The following ADAMTSL1 variants were observed in gnomAD, a reference collection of about 807,000 sequenced individuals.
ADAMTSL1 encodes ADAMTS-like protein 1.
ADAMTSL1 carries 126 observed loss-of-function variants against 201.8 expected under a neutral mutation model. That is an observed-to-expected ratio of 0.62 (90% CI 0.54 to 0.72). ADAMTSL1 has a LOEUF of 0.72. ADAMTSL1 is among the 30% of genes least tolerant of loss of function. The probability of loss-of-function intolerance (pLI) is 0.00; values close to 1 mark genes in which losing one functional copy is unlikely to be tolerated. For missense variants in ADAMTSL1, 2,679 were observed against 2,277.8 expected, an observed-to-expected ratio of 1.18 and a Z score of -3.59; for synonymous variants, 1,121 against 903.4, an observed-to-expected ratio of 1.24 and a Z score of -4.32.
intron 26 of ADAMTSL1, chr9:18,905,550 C>T (rs1316233341): frequency 1.9e-6 from 1 of 534,810 alleles, no homozygotes; most frequent in Non-Finnish European, 3.4e-6. Context: ...TTCTACACTA[C>T]CATTAGCCAT....
At chr9:18,359,179 C>T (rs979639487) in intron 2 of ADAMTSL1, among the ~76,000 whole-genome samples, 4 of 152,068 alleles carry the variant, frequency 2.6e-5, no homozygotes, top group African/African-American at 9.7e-5. Flanking sequence ...TTTTTTAGTA[C>T]AAAATAAGCT....
At chr9:18,329,994 C>T (rs1377838232) in intron 2 of ADAMTSL1, among the ~76,000 whole-genome samples, 1 of 152,134 alleles carries the variant, frequency 6.6e-6, no homozygotes, top group Non-Finnish European at 1.5e-5. Context: ...CATTTAATTT[C>T]TGAGTCTTGT....
rs1186503090 is a variant in ADAMTSL1 at position 18,204,429 on chromosome 9, C to T, written c.207+40448C>T. On this transcript the variant is annotated intron_variant, in intron 2 of 29. Coordinates refer to the ADAMTSL1 transcript ENST00000680146. ...GATTGTAAGTTTCTTGAGGCCTCTCCAGCCATGCTGAACTGTGAGTCTATT... is the reference window on the plus strand; with the variant it reads ...GATTGTAAGTTTCTTGAGGCCTCTCTAGCCATGCTGAACTGTGAGTCTATT... Among the ~76,000 whole-genome samples, 24 of 152,076 alleles carry T rather than the reference C, an allele frequency of 1.6e-4. No homozygotes were observed. In the East Asian group the frequency reaches 4.6e-3, roughly 29 times the overall value.
Position 18,776,936 on chromosome 9 carries a change from A to G in ADAMTSL1, c.2707A>G (p.Arg903Gly). Residue 903 changes from arginine to glycine, a missense_variant, in exon 19 of 29, where the codon AGG becomes GGG. Coordinates refer to ENST00000380548, the MANE Select transcript of ADAMTSL1 (RefSeq NM_001040272.6). ...GGTGGTGCTGCGCTGCCCGGCGCGC[A>G]GGGTCCGCAAGCCCCTCATCACCTG... is the stretch of plus-strand genomic sequence containing the variant. ...TAVVLRCPAR[R>G]VRKPLITWEK... 3.1e-6 allele frequency: 5 copies of G among 1,601,492 alleles called. No homozygotes were observed. Among genetic ancestry groups the G allele is most frequent in the African/African-American group, 1.3e-5 (1 of 74,700 alleles).
chr9:17,915,118 G>A (rs554623540), intron 1 of ADAMTSL1, among the ~76,000 whole-genome samples: 5 of 152,228 alleles, frequency 3.3e-5, no homozygotes, highest in African/African-American at 9.6e-5. Context: ...TTTGACATAT[G>A]CATATATTCA....
chr9:18,449,033 A>G (rs1254947749), intron 2 of ADAMTSL1, among the ~76,000 whole-genome samples: 1 of 151,856 alleles, frequency 6.6e-6, no homozygotes, highest in East Asian at 1.9e-4. Flanking sequence ...TCATCAGTGG[A>G]TAAACATTTC....
At chr9:18,388,826 G>A (rs541262202) in intron 2 of ADAMTSL1, among the ~76,000 whole-genome samples, 14 of 151,042 alleles carry the variant, frequency 9.3e-5, no homozygotes, top group African/African-American at 2.9e-4. Context: ...GTGCCCTCTC[G>A]GCTCACTGCA....
intron 1 of ADAMTSL1, among the ~76,000 whole-genome samples, chr9:17,969,815 G>A (rs374258580): frequency 2.6e-4 from 40 of 152,024 alleles, no homozygotes; most frequent in Non-Finnish European, 1.0e-4. Context: ...GTAAAAAAGC[G>A]GAAAATAATT....
intron 2 of ADAMTSL1, among the ~76,000 whole-genome samples, chr9:18,171,110 T>C (rs1827869148): frequency 6.6e-6 from 1 of 152,078 alleles, no homozygotes; most frequent in East Asian, 1.9e-4. Context: ...TGAGTGTTGC[T>C]CTATTTGTTA....
intron 7 of ADAMTSL1, among the ~76,000 whole-genome samples, chr9:18,641,934 T>C (rs1023131047): frequency 1.2e-4 from 19 of 152,022 alleles, no homozygotes; most frequent in Non-Finnish European, 2.2e-4. Flanking sequence ...AAATTCTCTT[T>C]ATAGATTTAA....
chr9:18,779,835 C>T (rs1012245186), intron 19 of ADAMTSL1, among the ~76,000 whole-genome samples: 1 of 152,202 alleles, frequency 6.6e-6, no homozygotes, highest in Non-Finnish European at 1.5e-5. Context: ...ATGATGCCCT[C>T]TCCTCTACCA....
intron 4 of ADAMTSL1, among the ~76,000 whole-genome samples, chr9:18,598,283 A>T (rs1288612707): frequency 3.3e-5 from 5 of 152,158 alleles, no homozygotes; most frequent in Admixed American, 3.3e-4. Context: ...TCAGGGCAGG[A>T]TGTGACTTAC....
At chr9:18,473,448 G>A (rs1180382471), upstream of ADAMTSL1, among the ~76,000 whole-genome samples, 1 of 152,118 alleles carries the variant, frequency 6.6e-6, no homozygotes, top group Non-Finnish European at 1.5e-5. Flanking sequence ...GCCTTCAATT[G>A]TCACTTTACA....
chr9:18,074,391 C>G (rs147661386), intron 1 of ADAMTSL1, among the ~76,000 whole-genome samples: 2 of 152,178 alleles, frequency 1.3e-5, no homozygotes, highest in Non-Finnish European at 2.9e-5. Context: ...GTTGTCTGTT[C>G]TCAGGTGACC....
intron 2 of ADAMTSL1, among the ~76,000 whole-genome samples, chr9:18,168,449 A>T (rs111346541): frequency 6.6e-6 from 1 of 151,982 alleles, no homozygotes; most frequent in African/African-American, 2.4e-5. Flanking sequence ...TACAAAGGAC[A>T]TGAACTCATC....
intron 2 of ADAMTSL1, among the ~76,000 whole-genome samples, chr9:18,251,945 A>C (rs558789740): frequency 6.6e-6 from 1 of 152,310 alleles, no homozygotes; most frequent in East Asian, 1.9e-4. Flanking sequence ...AGCAAGCTAA[A>C]CACCAATCCA....
intron 5 of ADAMTSL1, among the ~76,000 whole-genome samples, chr9:18,634,885 A>G (rs866242766): frequency 7.1e-6 from 1 of 140,332 alleles, no homozygotes; most frequent in Non-Finnish European, 1.5e-5. Context: ...TTATATATAT[A>G]AATATGTATG....
At chr9:17,976,537 A>G (rs528270510) in intron 1 of ADAMTSL1, among the ~76,000 whole-genome samples, 15 of 151,810 alleles carry the variant, frequency 9.9e-5, no homozygotes, top group African/African-American at 3.1e-4. Context: ...TTCTCGGAGA[A>G]TTGGTTGTTA....
intron 1 of ADAMTSL1, among the ~76,000 whole-genome samples, chr9:18,033,090 A>G (rs1226297888): frequency 6.6e-6 from 1 of 152,188 alleles, no homozygotes; most frequent in East Asian, 1.9e-4. Context: ...AAAATTATAC[A>G]AAAATAATAT....
Sources: gnomAD v4.1 joint callset for allele counts (sites outside exome capture counted in the v4.1 genomes callset) on GRCh38, gnomAD v4.1.1 for gene constraint, MANE v1.5 for transcripts, NCBI Gene and HGNC (gene_info 2026-07-23, HGNC 2026-07-21) for gene names.